CHSY3: variants seen among roughly 807,000 people sequenced by gnomAD.
CHSY3 encodes the protein N-acetylgalactosaminyl-proteoglycan 3-beta-glucuronosyltransferase 3.
Under a neutral mutation model 67.2 loss-of-function variants are expected in CHSY3, and 35 were observed. The observed-to-expected ratio is 0.52, with a 90% confidence interval of 0.40 to 0.69. The LOEUF is 0.69. Ranked by LOEUF, CHSY3 falls within the 30% of genes least tolerant of loss-of-function variation. The probability of loss-of-function intolerance (pLI) is 0.00; values close to 1 mark genes in which losing one functional copy is unlikely to be tolerated. For synonymous variants in CHSY3, 474 were observed against 434.7 expected (o/e 1.09, Z -1.12); for missense variants, 1,069 against 1,138.5 (o/e 0.94, Z 0.88).
intron 2 of CHSY3, among the ~76,000 whole-genome samples, chr5:130,020,419 C>CAAAAAAAAAAA (rs1764334721): frequency 1.1e-4 from 8 of 74,668 alleles, no homozygotes; most frequent in African/African-American, 4.1e-4. Context: ...GACTTCATCT[C>CAAAAAAAAAAA]AAAATATATA....
chr5:130,151,132 T>A (rs1317901514), intron 2 of CHSY3, among the ~76,000 whole-genome samples: 2 of 152,214 alleles, frequency 1.3e-5, no homozygotes, highest in Admixed American at 1.3e-4. Context: ...GTGTCATATT[T>A]CTGTGATAGG....
At chr5:130,058,488 G>A (rs559308092) in intron 2 of CHSY3, among the ~76,000 whole-genome samples, 2 of 152,262 alleles carry the variant, frequency 1.3e-5, no homozygotes, top group East Asian at 1.9e-4. Context: ...TTAGTTGGGT[G>A]TGGTGGCATG....
intron 2 of CHSY3, among the ~76,000 whole-genome samples, chr5:130,082,035 T>C (rs1041100855): frequency 3.3e-5 from 5 of 152,106 alleles, no homozygotes; most frequent in Non-Finnish European, 2.9e-5. Flanking sequence ...CATTATGCGT[T>C]GAACATAATC....
At chr5:130,182,650 A>G (rs541096191) in intron 2 of CHSY3, among the ~76,000 whole-genome samples, 2 of 152,246 alleles carry the variant, frequency 1.3e-5, no homozygotes, top group African/African-American at 2.4e-5. Flanking sequence ...GTTTACATCA[A>G]CAGGTCATCC....
At chr5:130,022,074 T>C (rs1163289388) in intron 2 of CHSY3, among the ~76,000 whole-genome samples, 1 of 152,074 alleles carries the variant, frequency 6.6e-6, no homozygotes, top group Non-Finnish European at 1.5e-5. Context: ...AAGGCCGACA[T>C]TGCTTTTTGA....
chr5:129,996,449 T>C lies in CHSY3; in HGVS notation c.1086+88089T>C, dbSNP rs575317426. Among the ~76,000 whole-genome samples, 12 of 152,338 alleles carry C rather than the reference T, an allele frequency of 7.9e-5. No homozygotes were observed. In the South Asian group the frequency reaches 2.5e-3, roughly 32 times the overall value. ...CCTCTCAGAACCCTGAAGTTATTTG[T>C]ATGTGTTGTTTTTACATCATCCAGC... On this transcript the variant is annotated intron_variant, in intron 2 of 2. Transcript: ENST00000305031.
At chr5:129,939,066 C>T (rs1414184525) in intron 2 of CHSY3, among the ~76,000 whole-genome samples, 1 of 152,154 alleles carries the variant, frequency 6.6e-6, no homozygotes, top group Non-Finnish European at 1.5e-5. Context: ...CAGGCTTCTG[C>T]TCTTGGGGAG....
At chr5:129,988,448 C>G (rs974838039) in intron 2 of CHSY3, among the ~76,000 whole-genome samples, 1 of 152,204 alleles carries the variant, frequency 6.6e-6, no homozygotes, top group African/African-American at 2.4e-5. Context: ...AAGCCCCACT[C>G]ACTGTCATGG....
intron 2 of CHSY3, among the ~76,000 whole-genome samples, chr5:130,129,353 C>T (rs1768406000): frequency 6.6e-6 from 1 of 152,142 alleles, no homozygotes; most frequent in South Asian, 2.1e-4. Context: ...GTGCCAGAAT[C>T]TCTACTCATG....
intron 2 of CHSY3, among the ~76,000 whole-genome samples, chr5:129,946,965 T>C (rs1761873901): frequency 6.6e-6 from 1 of 152,158 alleles, no homozygotes. Flanking sequence ...GATCATATGG[T>C]AGTTGTATTT....
intron 2 of CHSY3, among the ~76,000 whole-genome samples, chr5:130,087,307 C>T (rs1208580564): frequency 6.6e-6 from 1 of 152,130 alleles, no homozygotes; most frequent in Non-Finnish European, 1.5e-5. Context: ...AAAACTGACA[C>T]AAGACAGGGA....
intron 2 of CHSY3, among the ~76,000 whole-genome samples, chr5:130,020,812 A>T (rs1304228163): frequency 1.3e-5 from 2 of 151,722 alleles, no homozygotes; most frequent in Non-Finnish European, 2.9e-5. Flanking sequence ...CCTGTCCCCT[A>T]CTCAGTCTGT....
At chr5:130,150,036 G>A (rs1580782884) in intron 2 of CHSY3, among the ~76,000 whole-genome samples, 1 of 152,238 alleles carries the variant, frequency 6.6e-6, no homozygotes, top group East Asian at 1.9e-4. Flanking sequence ...TGGCTCTCGT[G>A]TGATTTTAGA....
At chr5:130,048,802 G>C (rs1022699387) in intron 2 of CHSY3, among the ~76,000 whole-genome samples, 1 of 152,026 alleles carries the variant, frequency 6.6e-6, no homozygotes, top group African/African-American at 2.4e-5. Flanking sequence ...GAAAGCAGAG[G>C]GTAGAATGGT....
chr5:130,021,576 G>A (rs7703721), intron 2 of CHSY3, among the ~76,000 whole-genome samples: 2,136 of 151,276 alleles, frequency 0.014, 50 homozygotes, highest in African/African-American at 0.048. Context: ...TTTTTCCCCC[G>A]TCTCACACTC....
intron 2 of CHSY3, among the ~76,000 whole-genome samples, chr5:130,059,470 T>G (rs1354269074): frequency 1.3e-5 from 2 of 149,128 alleles, no homozygotes; most frequent in Non-Finnish European, 3.0e-5. Context: ...ATCTACCTCC[T>G]TATTTCCATC....
intron 2 of CHSY3, among the ~76,000 whole-genome samples, chr5:130,028,314 A>G (rs1157655199): frequency 2.0e-5 from 3 of 152,172 alleles, no homozygotes; most frequent in African/African-American, 7.2e-5. Context: ...AAACAGAGAT[A>G]TAGACCAATG....
At chr5:130,132,770 C>A (rs77910713) in intron 2 of CHSY3, among the ~76,000 whole-genome samples, 1 of 152,066 alleles carries the variant, frequency 6.6e-6, no homozygotes, top group South Asian at 2.1e-4. Context: ...TTGGGGGACT[C>A]CTAGTCAGTA....
At chr5:129,981,211 A>T in intron 2 of CHSY3, among the ~76,000 whole-genome samples, 1 of 138,196 alleles carries the variant, frequency 7.2e-6, no homozygotes, top group Admixed American at 7.5e-5. Context: ...AAAGAGGGAG[A>T]CTCCGTCTCA....
Sources: gnomAD v4.1 joint callset for allele counts (sites outside exome capture counted in the v4.1 genomes callset) on GRCh38, gnomAD v4.1.1 for gene constraint, MANE v1.5 for transcripts, NCBI Gene and HGNC (gene_info 2026-07-23, HGNC 2026-07-21) for gene names.